Variants in OSBPL10 observed in about 807,000 individuals in gnomAD.
OSBPL10 encodes oxysterol binding protein like 10, also known as oxysterol-binding protein-related protein 10.
OSBPL10 carries 49 observed loss-of-function variants against 81.7 expected under a neutral mutation model. That is an observed-to-expected ratio of 0.60 (90% CI 0.48 to 0.76). The LOEUF (loss-of-function observed/expected upper bound fraction) is 0.76. Ranked by LOEUF, OSBPL10 falls within the 30% of genes least tolerant of loss-of-function variation. The pLI, the probability that OSBPL10 is intolerant of heterozygous loss-of-function variation, is 0.00. For missense variants in OSBPL10, 923 were observed against 987.8 expected (o/e 0.93, Z 0.88); for synonymous variants, 419 against 383.6 (o/e 1.09, Z -1.08).
At chr3:32,037,123 C>T (rs1237344150) in intron 2 of OSBPL10, among the ~76,000 whole-genome samples, 1 of 152,134 alleles carries the variant, frequency 6.6e-6, no homozygotes, top group Non-Finnish European at 1.5e-5. Flanking sequence ...CAGGCAGTAC[C>T]CCTAGAACAG....
At chr3:31,990,178 G>A (rs1253009005) in intron 2 of OSBPL10, 3 of 1,614,040 alleles carry the variant, frequency 1.9e-6, no homozygotes, top group South Asian at 2.2e-5. Context: ...TCACACTGGA[G>A]AGAAACCTTA....
intron 3 of OSBPL10, among the ~76,000 whole-genome samples, chr3:31,846,663 T>G (rs1182049490): frequency 8.2e-6 from 1 of 121,372 alleles, no homozygotes; most frequent in Middle Eastern, 4.5e-3. Flanking sequence ...AATAAATAAA[T>G]AAATCCTATT....
At chr3:31,800,500 C>T (rs575730719) in intron 4 of OSBPL10, among the ~76,000 whole-genome samples, 10 of 152,338 alleles carry the variant, frequency 6.6e-5, no homozygotes, top group African/African-American at 1.9e-4. Flanking sequence ...CTAATAAGAA[C>T]GTAAACCTTT....
At chr3:31,871,399 A>G (rs1701323020) in intron 3 of OSBPL10, among the ~76,000 whole-genome samples, 1 of 152,156 alleles carries the variant, frequency 6.6e-6, no homozygotes, top group Non-Finnish European at 1.5e-5. Flanking sequence ...AACTCCGAAC[A>G]CATCCAAACA....
intron 4 of OSBPL10, among the ~76,000 whole-genome samples, chr3:31,769,562 T>A (rs1347948446): frequency 6.9e-6 from 1 of 145,830 alleles, no homozygotes; most frequent in Non-Finnish European, 1.5e-5. Flanking sequence ...AATATATTTT[T>A]ATATTATAAC....
At chr3:31,852,765 G>A (rs1011351401) in intron 3 of OSBPL10, among the ~76,000 whole-genome samples, 3 of 151,868 alleles carry the variant, frequency 2.0e-5, no homozygotes, top group South Asian at 2.1e-4. Context: ...TTTTAGTAGC[G>A]ACGGGGTTTC....
At chr3:31,766,345 T>G (rs1370812849) in intron 4 of OSBPL10, among the ~76,000 whole-genome samples, 4 of 102,912 alleles carry the variant, frequency 3.9e-5, no homozygotes, top group African/African-American at 2.0e-4. Flanking sequence ...TTGTTTTTTT[T>G]TGTTTTTTTT....
chr3:31,862,305 G>C (rs3935365), intron 3 of OSBPL10, among the ~76,000 whole-genome samples: 52,070 of 152,072 alleles, frequency 0.34, 10,615 homozygotes, highest in South Asian at 0.58. Context: ...ACCACACATA[G>C]ACATGCAAAG....
At chr3:32,001,104 T>C (rs1046497826) in intron 2 of OSBPL10, among the ~76,000 whole-genome samples, 1 of 152,194 alleles carries the variant, frequency 6.6e-6, no homozygotes, top group African/African-American at 2.4e-5. Flanking sequence ...GGCGCTGTTG[T>C]CTGTCCACTC....
At chr3:31,698,860 A>G (rs1157338084) in intron 7 of OSBPL10, among the ~76,000 whole-genome samples, 7 of 151,932 alleles carry the variant, frequency 4.6e-5, no homozygotes, top group Non-Finnish European at 1.0e-4. Context: ...GATATGCTCT[A>G]TTTCTCTTCA....
chr3:31,946,741 G>GTC (rs1276090196), intron 1 of OSBPL10, among the ~76,000 whole-genome samples: 1 of 152,210 alleles, frequency 6.6e-6, no homozygotes, highest in East Asian at 1.9e-4. Flanking sequence ...CTGGGCTTTG[G>GTC]TCCCATTCTA....
At chr3:31,916,913 G>A (rs1179050199) in intron 1 of OSBPL10, among the ~76,000 whole-genome samples, 1 of 152,154 alleles carries the variant, frequency 6.6e-6, no homozygotes, top group African/African-American at 2.4e-5. Flanking sequence ...TGTTTTTATT[G>A]TAAGCCGGGA....
At chr3:31,889,449 A>G (rs13314312) in intron 1 of OSBPL10, among the ~76,000 whole-genome samples, 73,892 of 152,000 alleles carry the variant, frequency 0.49, 18,295 homozygotes, top group East Asian at 0.63. Context: ...CTATATACAC[A>G]ATGAAACATT....
chr3:32,009,362 C>T (rs911928238), intron 2 of OSBPL10, among the ~76,000 whole-genome samples: 5 of 152,214 alleles, frequency 3.3e-5, no homozygotes, highest in African/African-American at 9.6e-5. Context: ...CAATTAATCA[C>T]GCATGAGTCT....
chr3:31,973,195 C>G (rs1443655082), intron 1 of OSBPL10, among the ~76,000 whole-genome samples: 1 of 152,176 alleles, frequency 6.6e-6, no homozygotes, highest in East Asian at 1.9e-4. Flanking sequence ...TTCTTTCTTC[C>G]CAGAGTCCTC....
chr3:31,928,762 C>CAAAAAAAAAAA (rs58345341), intron 1 of OSBPL10, among the ~76,000 whole-genome samples: 1 of 95,064 alleles, frequency 1.1e-5, no homozygotes, highest in African/African-American at 3.2e-5. Context: ...GACTTGTCTC[C>CAAAAAAAAAAA]AAAAAAAAAA....
At chr3:32,054,399 T>C (rs1212039983) in intron 1 of OSBPL10, among the ~76,000 whole-genome samples, 1 of 152,178 alleles carries the variant, frequency 6.6e-6, no homozygotes, top group African/African-American at 2.4e-5. Context: ...GTTATTGGTA[T>C]GTGTTCCAAA....
intron 8 of OSBPL10, among the ~76,000 whole-genome samples, chr3:31,679,413 G>A (rs1442737863): frequency 6.6e-6 from 1 of 152,298 alleles, no homozygotes; most frequent in East Asian, 1.9e-4. Flanking sequence ...TGTGGCCTCT[G>A]CTGCATCTCT....
At chr3:31,817,407 C>T (rs1699865381) in intron 4 of OSBPL10, among the ~76,000 whole-genome samples, 1 of 152,184 alleles carries the variant, frequency 6.6e-6, no homozygotes, top group East Asian at 1.9e-4. Context: ...GGAGGCCCTT[C>T]CTGGGCCCCC....
Sources: gnomAD v4.1 joint callset for allele counts (sites outside exome capture counted in the v4.1 genomes callset) on GRCh38, gnomAD v4.1.1 for gene constraint, MANE v1.5 for transcripts, NCBI Gene and HGNC (gene_info 2026-07-23, HGNC 2026-07-21) for gene names.